The following NUP205 variants were observed in gnomAD, a reference collection of about 807,000 sequenced individuals.
NUP205 encodes the protein nucleoporin 205, also known as nuclear pore complex protein Nup205.
In NUP205, 76 loss-of-function variants were observed where a neutral mutation model predicts 253.8. The observed-to-expected ratio is 0.30, with a 90% CI of 0.25 to 0.36. The LOEUF is 0.36. Among genes scored for constraint, NUP205 ranks in the 10% least tolerant of loss-of-function variants. The probability of loss-of-function intolerance (pLI) is 1.00; values close to 1 mark genes in which losing one functional copy is unlikely to be tolerated. For synonymous variants in NUP205, 832 were observed against 850.1 expected, an observed-to-expected ratio of 0.98 and a Z score of 0.37; for missense variants, 2,162 against 2,425.5, an observed-to-expected ratio of 0.89 and a Z score of 2.28.
intron 12 of NUP205, among the ~76,000 whole-genome samples, chr7:135,593,488 A>G (rs190014425): frequency 6.6e-5 from 10 of 152,358 alleles, no homozygotes; most frequent in South Asian, 6.2e-4. Flanking sequence ...GGTTTCCAGC[A>G]TAAGTGTAGA....
At chr7:135,612,593 A>G (rs1274590170) in intron 22 of NUP205, among the ~76,000 whole-genome samples, 1 of 152,220 alleles carries the variant, frequency 6.6e-6, no homozygotes, top group Non-Finnish European at 1.5e-5. Flanking sequence ...AACCCTTTTT[A>G]TAGTATGATA....
In NUP205 at chr7:135,576,426, T is replaced by G. The variant is rs780457326; in HGVS notation, c.488+12T>G. The stretch of plus-strand genomic sequence containing the variant: ...ACCCTAGAACTCAGGTCTTTTTACT[T>G]CTTGGGATTTCAGGGGTTAATTTGA... On this transcript the variant is annotated intron_variant, in intron 4 of 42. Coordinates refer to ENST00000285968, the MANE Select transcript of NUP205 (RefSeq NM_015135.3). 9 of 1,600,992 alleles carry G rather than the reference T, an allele frequency of 5.6e-6. No homozygotes were observed. In the East Asian group the frequency reaches 2.0e-4, roughly 36 times the overall value.
intron 35 of NUP205, among the ~76,000 whole-genome samples, chr7:135,634,219 G>T (rs1363170046): frequency 6.6e-6 from 1 of 152,154 alleles, no homozygotes; most frequent in Admixed American, 6.6e-5. Context: ...GAGCCACCAT[G>T]CCCAGCTGGC....
intron 1 of NUP205, among the ~76,000 whole-genome samples, chr7:135,561,937 T>TTCCTTCCTTCCC (rs1805593350): frequency 3.3e-5 from 5 of 151,846 alleles, no homozygotes; most frequent in Admixed American, 2.6e-4. Flanking sequence ...CCTTCCTTCC[T>TTCCTTCCTTCCC]TCCCTCCCTC....
intron 38 of NUP205, among the ~76,000 whole-genome samples, chr7:135,642,016 A>C (rs1794922515): frequency 1.3e-5 from 2 of 151,974 alleles, no homozygotes; most frequent in Admixed American, 1.3e-4. Flanking sequence ...GCACTTTGGG[A>C]GGCCGAGGCG....
intron 39 of NUP205, among the ~76,000 whole-genome samples, chr7:135,644,644 C>T (rs190003923): frequency 8.5e-5 from 13 of 152,310 alleles, no homozygotes; most frequent in African/African-American, 2.9e-4. Context: ...AGGGTTTCAT[C>T]AGCAACCCTG....
chr7:135,611,982 T>C (rs184881681), intron 22 of NUP205, among the ~76,000 whole-genome samples: 82 of 152,114 alleles, frequency 5.4e-4, no homozygotes, highest in Non-Finnish European at 8.7e-4. Context: ...TAGCCGGGTA[T>C]GGTGGTGGGC....
intron 15 of NUP205, 120 bp from the exon 16 acceptor site, chr7:135,600,750 T>A (rs1793949299): frequency 7.6e-6 from 4 of 528,248 alleles, no homozygotes; most frequent in African/African-American, 1.9e-5. Flanking sequence ...CGTAAGTGAA[T>A]AAAGTGGACA....
chr7:135,616,539 T>G (rs1313994341), intron 24 of NUP205, 116 bp from the exon 25 acceptor site: 3 of 521,938 alleles, frequency 5.7e-6, no homozygotes, highest in Non-Finnish European at 9.8e-6. Context: ...CACAGGGCTC[T>G]TTGATGTAGA....
intron 1 of NUP205, among the ~76,000 whole-genome samples, chr7:135,560,497 T>G (rs1805555014): frequency 6.6e-6 from 1 of 152,204 alleles, no homozygotes; most frequent in Admixed American, 6.5e-5. Context: ...ACTAAACGTC[T>G]TAGGGAAGGA....
At chr7:135,627,510 A>G (rs997034363) in intron 33 of NUP205, among the ~76,000 whole-genome samples, 3 of 152,180 alleles carry the variant, frequency 2.0e-5, no homozygotes, top group Non-Finnish European at 4.4e-5. Flanking sequence ...TCAAAATCCA[A>G]AAAAATCTGC....
In NUP205 at chr7:135,600,885, G is replaced by T. The variant is rs1354713748; in HGVS notation, c.2290G>T (p.Val764Leu). Residue 764 changes from valine (V) to leucine (L), a missense_variant, in exon 16 of 43, where the codon GTG becomes TTG. Around this residue, in one of 5 missense-constraint regions of NUP205, gnomAD observed 892 missense variants for 957.1 expected, o/e 0.93. Coordinates refer to ENST00000285968, the MANE Select transcript of NUP205 (RefSeq NM_015135.3). Reference sequence around the variant, plus strand: ...CTTTCTATAGTGGGAAGTTGCTGAGGTGGTTTTGGAGGTGTTTTATAAATT... The same window carrying T: ...CTTTCTATAGTGGGAAGTTGCTGAGTTGGTTTTGGAGGTGTTTTATAAATT... ...RAAEKWEVAE[V>L]VLEVFYKLLR... is the part of the protein sequence containing the mutation. 6.2e-7 allele frequency: 1 copy of T among 1,607,876 alleles called. No individual in the cohort carries two copies. Among genetic ancestry groups the T allele is most frequent in the Non-Finnish European group, 8.5e-7 (1 of 1,175,298 alleles).
chr7:135,594,914 T>C (rs1400765790), intron 13 of NUP205, among the ~76,000 whole-genome samples, 185 bp downstream of exon 13: 1 of 152,190 alleles, frequency 6.6e-6, no homozygotes, highest in African/African-American at 2.4e-5. Context: ...TTTAGATTGG[T>C]TGATAACATC....
At position 135,594,597 on chromosome 7, in the gene NUP205, TGTG is replaced by T. The variant is rs748127244; in HGVS notation, c.1885_1887del (p.Val629del). Reference sequence around the variant, plus strand: ...GTGAACACCCTCAGTGGACCCCTGTTGTGGTGATTCTGGGACTCCTCCAATGCA... The same window carrying T: ...GTGAACACCCTCAGTGGACCCCTGTTGTGATTCTGGGACTCCTCCAATGCA... On this transcript the variant is annotated inframe_deletion, in exon 13 of 43. Coordinates refer to ENST00000285968, the MANE Select transcript of NUP205 (RefSeq NM_015135.3). 4 of 1,613,736 alleles carry T rather than the reference TGTG, an allele frequency of 2.5e-6. No homozygotes were observed. The highest frequency in any genetic ancestry group is 8.5e-7 in the Non-Finnish European group (1 of 1,179,790).
At chr7:135,643,385 G>A (rs1794950424) in intron 39 of NUP205, 27 bp downstream of exon 39, 2 of 1,599,492 alleles carry the variant, frequency 1.3e-6, no homozygotes, top group Non-Finnish European at 1.7e-6. Flanking sequence ...GAGCTGGGGG[G>A]ACTTGAGAAA....
At chr7:135,583,844 C>CTTTCTTTCT (rs1554459030) in intron 7 of NUP205, among the ~76,000 whole-genome samples, 1 of 138,962 alleles carries the variant, frequency 7.2e-6, no homozygotes, top group Non-Finnish European at 1.6e-5. Context: ...TTCTTTCTTT[C>CTTTCTTTCT]TTTTTTTTTT....
At chr7:135,571,269 T>G in intron 2 of NUP205, 22 bp downstream of exon 2, 1 of 1,378,980 alleles carries the variant, frequency 7.3e-7, no homozygotes, top group Non-Finnish European at 9.5e-7. Context: ...TCTTTTTCAG[T>G]TTTTTTGGGA....
Position 135,643,316 on chromosome 7 carries a change from G to A in NUP205, c.5517G>A (p.Lys1839=), listed in dbSNP as rs754579227. 1 of 1,614,088 alleles carries A rather than the reference G, an allele frequency of 6.2e-7. No homozygotes were observed. The highest frequency in any genetic ancestry group is 1.1e-5 in the South Asian group (1 of 91,082). ...ACAGTCATCGACAGAGTGTCAGCAA[G>A]CTACAAAATGTAGAGCAGCTTCCCC... ...YYDSHRQSVS[K]LQNVEQLPPD... The change falls in exon 39 of 43, where the codon AAG becomes AAA. Residue 1839 remains lysine, a synonymous_variant. Coordinates refer to ENST00000285968, the MANE Select transcript of NUP205 (RefSeq NM_015135.3).
chr7:135,568,142 G>C (rs545893707), intron 1 of NUP205, among the ~76,000 whole-genome samples: 1 of 152,000 alleles, frequency 6.6e-6, no homozygotes, highest in East Asian at 2.0e-4. Context: ...AGAATCACTT[G>C]AACTCAGGAG....
Sources: gnomAD v4.1 joint callset for allele counts (sites outside exome capture counted in the v4.1 genomes callset) on GRCh38, gnomAD v4.1.1 for gene constraint, gnomAD v4.1.1 regional missense constraint, MANE v1.5 for transcripts, NCBI Gene and HGNC (gene_info 2026-07-23, HGNC 2026-07-21) for gene names.